CDC73: variants seen among roughly 807,000 people sequenced by gnomAD.
The protein encoded by CDC73 is cell division cycle 73.
A neutral mutation model predicts 83.7 loss-of-function variants in CDC73; 21 were observed. That is an observed-to-expected ratio of 0.25 (90% CI 0.18 to 0.36). The LOEUF (loss-of-function observed/expected upper bound fraction) is 0.36. CDC73 is among the 10% of genes least tolerant of loss of function. The pLI is 1.00. For missense variants in CDC73, 342 were observed against 653.3 expected (o/e 0.52, Z 5.19); for synonymous variants, 224 against 212.9 (o/e 1.05, Z -0.45).
chr1:193,137,922 A>G (rs1196258336), intron 5 of CDC73, among the ~76,000 whole-genome samples, 163 bp from the exon 6 acceptor site: 2 of 152,202 alleles, frequency 1.3e-5, no homozygotes, highest in Non-Finnish European at 2.9e-5. Flanking sequence ...ATTTATTGTT[A>G]TTATCTTTAC....
intron 13 of CDC73, among the ~76,000 whole-genome samples, chr1:193,213,755 A>G (rs1398232056): frequency 6.6e-6 from 1 of 152,192 alleles, no homozygotes; most frequent in African/African-American, 2.4e-5. Flanking sequence ...ATATGGTATT[A>G]TTTGAAGTGC....
intron 10 of CDC73, among the ~76,000 whole-genome samples, chr1:193,154,763 C>T (rs368839016): frequency 4.6e-5 from 7 of 152,094 alleles, no homozygotes; most frequent in Non-Finnish European, 8.8e-5. Context: ...CTCAGACTTA[C>T]GTTTTCAATT....
intron 13 of CDC73, among the ~76,000 whole-genome samples, chr1:193,215,654 A>G (rs1198129573): frequency 6.8e-6 from 1 of 147,514 alleles, no homozygotes; most frequent in Non-Finnish European, 1.5e-5. Context: ...CAGTGGTGTG[A>G]TCTCGGCTCT....
intron 3 of CDC73, among the ~76,000 whole-genome samples, chr1:193,134,446 G>A (rs1448077573): frequency 6.6e-6 from 1 of 152,002 alleles, no homozygotes; most frequent in Non-Finnish European, 1.5e-5. Context: ...CGAGGCGGGC[G>A]GATCACGAGG....
chr1:193,192,605 G>T (rs1037973719), intron 10 of CDC73, among the ~76,000 whole-genome samples: 2 of 152,190 alleles, frequency 1.3e-5, no homozygotes, highest in African/African-American at 2.4e-5. Flanking sequence ...GGACTTCAGT[G>T]TAAAGGAACT....
chr1:193,140,889 C>T (rs1389799846), intron 6 of CDC73, among the ~76,000 whole-genome samples: 6 of 152,132 alleles, frequency 3.9e-5, no homozygotes, highest in African/African-American at 1.4e-4. Context: ...TTGAATTTGG[C>T]TTAAGGTATG....
intron 15 of CDC73, among the ~76,000 whole-genome samples, chr1:193,244,013 T>C (rs1022681049): frequency 1.3e-5 from 2 of 152,228 alleles, no homozygotes; most frequent in Admixed American, 6.5e-5. Flanking sequence ...AAACCTCTTA[T>C]ACCAGGTTGA....
intron 10 of CDC73, among the ~76,000 whole-genome samples, chr1:193,169,497 A>G (rs1676485796): frequency 6.6e-6 from 1 of 152,184 alleles, no homozygotes; most frequent in South Asian, 2.1e-4. Context: ...GTGAGCCAAG[A>G]TCACATCACT....
At chr1:193,206,224 C>G (rs777565220) in intron 11 of CDC73, among the ~76,000 whole-genome samples, 1 of 152,118 alleles carries the variant, frequency 6.6e-6, no homozygotes, top group Non-Finnish European at 1.5e-5. Context: ...TCTTTCACCT[C>G]TTAATGTTCT....
chr1:193,240,376 C>T (rs2102065634), intron 15 of CDC73, among the ~76,000 whole-genome samples: 1 of 152,246 alleles, frequency 6.6e-6, no homozygotes, highest in East Asian at 1.9e-4. Flanking sequence ...TGAAAAATAC[C>T]CAGTAGTAGG....
At chr1:193,177,358 C>CAA (rs10672869) in intron 10 of CDC73, among the ~76,000 whole-genome samples, 1,937 of 69,498 alleles carry the variant, frequency 0.028, 130 homozygotes, top group African/African-American at 0.1. Context: ...ACTAAAAATA[C>CAA]AAAAAAAAAA....
rs116514555 is a variant in CDC73, at chr1:193,197,653, C to T, written c.973-6142C>T. ...AGTAAGTGTATGTAGAGGCCAGGTG[C>T]GGTGGCTCGTGCCTGTAATCCCAGC... On this transcript the variant is annotated intron_variant, in intron 10 of 16. Transcript: ENST00000367435. Among the ~76,000 whole-genome samples, 1,456 of 152,126 alleles carry T rather than the reference C, an allele frequency of 9.6e-3. 23 individuals are homozygous for T. The highest frequency in any genetic ancestry group is 0.034 in the African/African-American group (1,402 of 41,502).
intron 13 of CDC73, among the ~76,000 whole-genome samples, chr1:193,229,170 A>T (rs1340461989): frequency 6.6e-6 from 1 of 152,264 alleles, no homozygotes; most frequent in Non-Finnish European, 1.5e-5. Context: ...ACTTCCTGGC[A>T]GTTTCTTATA....
Position 193,232,941 on chromosome 1 carries a change from A to G in CDC73, c.1155-52A>G, listed in dbSNP as rs922891067. On this transcript the variant is annotated intron_variant, in intron 13 of 16. Transcript: ENST00000367435. ...ATTTCAAATTATAGTTTATCTTCCC[A>G]TTTTCATCACGTGGAATACATTGAC... The G allele has an allele frequency of 4.0e-6, 6 of 1,485,484 alleles. No homozygotes were observed. In the African/African-American group the frequency reaches 5.6e-5, roughly 14 times the overall value. 92.0% of individuals were successfully genotyped at this position (1,485,484 alleles called of 1,614,324 possible). A position where few individuals can be genotyped will look rare whatever the true frequency, so the allele number is the denominator to read the frequency against.
chr1:193,132,562 C>T (rs1299441448), intron 3 of CDC73, among the ~76,000 whole-genome samples: 2 of 151,716 alleles, frequency 1.3e-5, no homozygotes, highest in Non-Finnish European at 2.9e-5. Context: ...GTCCTCCTCC[C>T]TTGGCCTCCC....
chr1:193,189,013 G>C (rs1676874894), intron 10 of CDC73, among the ~76,000 whole-genome samples: 1 of 151,546 alleles, frequency 6.6e-6, no homozygotes, highest in Non-Finnish European at 1.5e-5. Context: ...GGGTACAGTG[G>C]CACGATCTTG....
intron 13 of CDC73, among the ~76,000 whole-genome samples, chr1:193,221,748 C>T (rs1039030571): frequency 2.0e-5 from 3 of 152,062 alleles, no homozygotes; most frequent in African/African-American, 7.2e-5. Context: ...TTAAACAGAC[C>T]ACATTCTTAG....
chr1:193,171,773 T>TG (rs528445996), intron 10 of CDC73, among the ~76,000 whole-genome samples: 150 of 152,292 alleles, frequency 9.8e-4, no homozygotes, highest in African/African-American at 3.4e-3. Context: ...TCACAGGTTC[T>TG]GGGGGCTAGG....
chr1:193,153,094 G>A (rs772314632), intron 10 of CDC73, among the ~76,000 whole-genome samples: 12 of 152,056 alleles, frequency 7.9e-5, no homozygotes, highest in African/African-American at 2.7e-4. Context: ...AATGTCTTTC[G>A]CTCTTTAAAG....
Sources: allele counts gnomAD v4.1 joint callset (sites outside exome capture counted in the v4.1 genomes callset), GRCh38; gene constraint gnomAD v4.1.1; transcripts MANE v1.5; gene names NCBI Gene and HGNC (gene_info 2026-07-23, HGNC 2026-07-21).